Variants in LTBP1 observed in about 807,000 individuals in gnomAD.
LTBP1 encodes latent transforming growth factor beta binding protein 1.
Under a neutral mutation model 207.6 loss-of-function variants are expected in LTBP1, and 129 were observed. The observed-to-expected ratio is 0.62, with a 90% CI of 0.54 to 0.72. LTBP1 has a LOEUF of 0.72. Among genes scored for constraint, LTBP1 ranks in the 30% least tolerant of loss-of-function variants. LTBP1 has a pLI of 0.00. For missense variants in LTBP1, 2,281 were observed against 2,217.2 expected, an observed-to-expected ratio of 1.03 and a Z score of -0.58; for synonymous variants, 963 against 833.7, an observed-to-expected ratio of 1.16 and a Z score of -2.67.
chr2:33,127,874 G>A (rs1369191024), intron 4 of LTBP1, among the ~76,000 whole-genome samples: 1 of 152,184 alleles, frequency 6.6e-6, no homozygotes, highest in African/African-American at 2.4e-5. Flanking sequence ...GTGTCTGAGT[G>A]GGGACCTGTG....
chr2:33,106,174 T>G (rs2080054840), intron 3 of LTBP1, among the ~76,000 whole-genome samples: 1 of 152,236 alleles, frequency 6.6e-6, no homozygotes, highest in Non-Finnish European at 1.5e-5. Context: ...CACTTGTAAC[T>G]TTCATTCTCT....
chr2:33,139,047 A>T, intron 5 of LTBP1, among the ~76,000 whole-genome samples: 1 of 150,796 alleles, frequency 6.6e-6, no homozygotes, highest in Non-Finnish European at 1.5e-5. Flanking sequence ...TTTAGTAGAG[A>T]CGGGGTTTCA....
intron 2 of LTBP1, among the ~76,000 whole-genome samples, chr2:32,988,882 C>G (rs1258664261): frequency 6.6e-6 from 1 of 152,164 alleles, no homozygotes; most frequent in Non-Finnish European, 1.5e-5. Flanking sequence ...GTAGTTATAT[C>G]CTGTCTTTGT....
intron 2 of LTBP1, among the ~76,000 whole-genome samples, chr2:32,963,329 C>T (rs1223653251): frequency 6.6e-6 from 1 of 151,824 alleles, no homozygotes; most frequent in Non-Finnish European, 1.5e-5. Context: ...CTCAGCCCCC[C>T]GAGTAGCTAG....
chr2:33,005,162 G>A (rs542984359), intron 2 of LTBP1, among the ~76,000 whole-genome samples: 28 of 152,266 alleles, frequency 1.8e-4, no homozygotes, highest in African/African-American at 6.5e-4. Context: ...AGTTATTCCT[G>A]CAAGATGACA....
At chr2:32,968,197 AT>A (rs998854206) in intron 2 of LTBP1, among the ~76,000 whole-genome samples, 15 of 152,190 alleles carry the variant, frequency 9.9e-5, no homozygotes, top group Admixed American at 9.2e-4. Flanking sequence ...TGAGCTCCTT[AT>A]CAGGTGATCC....
intron 28 of LTBP1, among the ~76,000 whole-genome samples, chr2:33,362,285 T>C (rs1454184301): frequency 6.6e-6 from 1 of 152,156 alleles, no homozygotes; most frequent in Non-Finnish European, 1.5e-5. Context: ...GGAAAACTAG[T>C]GTTTGAATAA....
At chr2:33,028,536 C>T (rs1373737775) in intron 3 of LTBP1, among the ~76,000 whole-genome samples, 4 of 152,046 alleles carry the variant, frequency 2.6e-5, no homozygotes, top group Non-Finnish European at 4.4e-5. Context: ...GGCATAGTGG[C>T]GAGCGCCTGT....
At chr2:33,302,112 A>G (rs1462560222) in intron 22 of LTBP1, among the ~76,000 whole-genome samples, 2 of 152,220 alleles carry the variant, frequency 1.3e-5, no homozygotes, top group Non-Finnish European at 2.9e-5. Flanking sequence ...GCAGTCATCA[A>G]CCACTTTCAC....
At chr2:33,064,376 A>T (rs1047922629) in intron 3 of LTBP1, among the ~76,000 whole-genome samples, 24 of 152,322 alleles carry the variant, frequency 1.6e-4, no homozygotes, top group African/African-American at 5.3e-4. Context: ...AGCCTCCCAC[A>T]GTTTCATGGA....
intron 7 of LTBP1, among the ~76,000 whole-genome samples, chr2:33,198,277 A>T (rs1167679175): frequency 6.6e-6 from 1 of 152,068 alleles, no homozygotes; most frequent in East Asian, 1.9e-4. Flanking sequence ...AAGCTTTTTG[A>T]TGTGCTGCTG....
intron 4 of LTBP1, among the ~76,000 whole-genome samples, chr2:33,133,012 A>C (rs897090): frequency 0.83 from 126,000 of 152,108 alleles, 52,405 homozygotes; most frequent in East Asian, 0.99. Context: ...TGCCATAACT[A>C]TCATGTGCTT....
At chr2:32,995,144 A>G (rs1245776848) in intron 2 of LTBP1, among the ~76,000 whole-genome samples, 1 of 151,548 alleles carries the variant, frequency 6.6e-6, no homozygotes, top group Non-Finnish European at 1.5e-5. Context: ...TGATCACACC[A>G]TTGCACTCCA....
chr2:33,008,737 G>A (rs987012157), intron 2 of LTBP1, among the ~76,000 whole-genome samples: 1 of 152,264 alleles, frequency 6.6e-6, no homozygotes. Context: ...ATGATGTCAG[G>A]TAGGGAAAAG....
chr2:33,147,386 G>A (rs1232612608), intron 5 of LTBP1, among the ~76,000 whole-genome samples: 4 of 152,170 alleles, frequency 2.6e-5, no homozygotes, highest in Non-Finnish European at 5.9e-5. Flanking sequence ...TAGAGCCTGA[G>A]ATTCTGCATT....
intron 4 of LTBP1, among the ~76,000 whole-genome samples, chr2:33,117,132 A>T (rs2080792705): frequency 6.7e-6 from 1 of 149,044 alleles, no homozygotes; most frequent in Admixed American, 6.6e-5. Context: ...ACAGATGTAG[A>T]GTCTGTTGTT....
At chr2:33,005,475 T>C (rs1177957980) in intron 2 of LTBP1, among the ~76,000 whole-genome samples, 1 of 152,176 alleles carries the variant, frequency 6.6e-6, no homozygotes, top group Non-Finnish European at 1.5e-5. Flanking sequence ...GAAGAAGTGT[T>C]GCTGCCTGAC....
chr2:32,996,563 G>A (rs1685303924), intron 2 of LTBP1, among the ~76,000 whole-genome samples: 1 of 152,154 alleles, frequency 6.6e-6, no homozygotes, highest in Non-Finnish European at 1.5e-5. Flanking sequence ...GGTGATAAGA[G>A]GAGACATCTA....
At position 33,389,322 on chromosome 2, in the gene LTBP1, T is replaced by C. The variant is rs1417609177; in HGVS notation, c.4834+16T>C. 6.2e-7 allele frequency: 1 copy of C among 1,613,788 alleles called. No individual in the cohort carries two copies. Among genetic ancestry groups the C allele is most frequent in the Non-Finnish European group, 8.5e-7 (1 of 1,179,814 alleles). Reference sequence around the variant, plus strand: ...ATCCAAGACCGTAAGCAAAATAACCTTGTTCCTTTGATACTAAGTTGTGGT... The same window carrying C: ...ATCCAAGACCGTAAGCAAAATAACCCTGTTCCTTTGATACTAAGTTGTGGT... On this transcript the variant is annotated intron_variant, in intron 32 of 33. Transcript: ENST00000404816.
Sources: gnomAD v4.1 joint callset for allele counts (sites outside exome capture counted in the v4.1 genomes callset) on GRCh38, gnomAD v4.1.1 for gene constraint, MANE v1.5 for transcripts, NCBI Gene and HGNC (gene_info 2026-07-23, HGNC 2026-07-21) for gene names.